MAU2: variants seen among roughly 807,000 people sequenced by gnomAD.
MAU2 encodes MAU2 chromatid cohesion factor homolog.
Under a neutral mutation model 89.1 loss-of-function variants are expected in MAU2, and 9 were observed. That is an observed-to-expected ratio of 0.10 (90% CI 0.06 to 0.18). The LOEUF (loss-of-function observed/expected upper bound fraction) is 0.18. MAU2 is among the 10% of genes least tolerant of loss of function. MAU2 has a pLI of 1.00. For synonymous variants in MAU2, 357 were observed against 343.4 expected (o/e 1.04, Z -0.44); for missense variants, 425 against 803.5 (o/e 0.53, Z 5.69).
Position 19,355,837 on chromosome 19 carries a change from C to G in MAU2, c.*55C>G. 6.7e-7 allele frequency: 1 copy of G among 1,499,948 alleles called. No homozygotes were observed. Among genetic ancestry groups the G allele is most frequent in the Non-Finnish European group, 9.2e-7 (1 of 1,089,388 alleles). 92.9% of individuals were successfully genotyped at this position (1,499,948 alleles called of 1,614,324 possible). On this transcript the variant is annotated 3_prime_UTR_variant, in exon 19 of 19. Coordinates refer to ENST00000262815, the MANE Select transcript of MAU2 (RefSeq NM_015329.4). ...GGCCTGCGCGTCTCCGGCTTCCACC[C>G]AGACGGCACTCAAGCCTGCCCCCGA...
intron 13 of MAU2, 129 bp from the exon 14 acceptor site, chr19:19,348,760 C>T (rs1599922671): frequency 9.9e-7 from 1 of 1,009,076 alleles, no homozygotes; most frequent in Non-Finnish European, 1.6e-6. Context: ...GCTGGTCAGT[C>T]ACCAGGCTCA....
chr19:19,349,315 T>G lies in MAU2; in HGVS notation c.1437-10T>G, dbSNP rs1188145586. 6.2e-7 allele frequency: 1 copy of G among 1,614,100 alleles called. No homozygotes were observed. The highest frequency in any genetic ancestry group is 1.7e-5 in the Admixed American group (1 of 60,026). On this transcript the variant is annotated splice_polypyrimidine_tract_variant and intron_variant, in intron 15 of 18. Transcript: ENST00000262815. The stretch of plus-strand genomic sequence containing the variant: ...CCTGCAGTTATCAGCGTCCATGTTC[T>G]CCTTGTCAGGCGATTTCTGCGGGAA...
chr19:19,349,893 C>T (rs2965194), intron 16 of MAU2, among the ~76,000 whole-genome samples: 127,547 of 151,706 alleles, frequency 0.84, 53,754 homozygotes, highest in East Asian at 1. Flanking sequence ...CAAGGTCAGC[C>T]AGTCTCTGGT....
At chr19:19,331,426 T>A (rs966741079) in intron 1 of MAU2, among the ~76,000 whole-genome samples, 1 of 150,708 alleles carries the variant, frequency 6.6e-6, no homozygotes, top group Non-Finnish European at 1.5e-5. Flanking sequence ...GGCGTGAACC[T>A]GGGAGGTGGA....
In MAU2 at chr19:19,349,123, C is replaced by T. The variant is rs757940615; in HGVS notation, c.1359-32C>T. 9.9e-6 allele frequency: 16 copies of T among 1,612,474 alleles called. No individual in the cohort carries two copies. The Admixed American group carries it at 2.5e-4, about 25-fold the overall frequency. On this transcript the variant is annotated intron_variant, in intron 14 of 18. Transcript: ENST00000262815. The stretch of plus-strand genomic sequence containing the variant: ...TTTGTAAACCTGCTTCTCAAAATCA[C>T]CACCCCATGTGATACTGCACTCTCC...
At chr19:19,354,559 AGC>A in intron 17 of MAU2, 114 bp downstream of exon 17, 1 of 899,314 alleles carries the variant, frequency 1.1e-6, no homozygotes. Context: ...CGTGGGCCGC[AGC>A]CCCAGTTCTA....
chr19:19,342,694 C>G lies in MAU2; in HGVS notation c.882+13C>G. 6.2e-7 allele frequency: 1 copy of G among 1,613,218 alleles called. No homozygotes were observed. Among genetic ancestry groups the G allele is most frequent in the Non-Finnish European group, 8.5e-7 (1 of 1,179,638 alleles). On this transcript the variant is annotated intron_variant, in intron 8 of 18. Transcript: ENST00000262815. ...GCTTGTCTACCTGGTGCGTCCCCAC[C>G]AGGGCCCGGGCCAGGGCTGGGGGCG...
At position 19,355,424 on chromosome 19, in the gene MAU2, G is replaced by C. The variant is rs188216449; in HGVS notation, c.1767+33G>C. The stretch of plus-strand genomic sequence containing the variant: ...TGTGGGTGTTAGGGGACGGGATCAG[G>C]ACTAGCGGGCTCCCCACCTGCAAGA... On this transcript the variant is annotated intron_variant, in intron 18 of 18. Transcript: ENST00000262815. 1.5e-5 allele frequency: 24 copies of C among 1,608,842 alleles called. No individual in the cohort carries two copies. The Admixed American group carries it at 3.0e-4, about 20-fold the overall frequency.
Position 19,355,383 on chromosome 19 carries a change from C to T in MAU2, c.1759C>T (p.Leu587Phe). The T allele has an allele frequency of 6.2e-7, 1 of 1,613,996 alleles. No homozygotes were observed. The highest frequency in any genetic ancestry group is 8.5e-7 in the Non-Finnish European group (1 of 1,179,970). ...GGCCTGCAGCCTCCCCGAACACAACCTCATCACGGTACGGGTGTGGGTGTT... is the reference window on the plus strand; with the variant it reads ...GGCCTGCAGCCTCCCCGAACACAACTTCATCACGGTACGGGTGTGGGTGTT... ...IEACSLPEHN[L>F]ITWTDGPPPV... The change falls in exon 18 of 19, where the codon CTC becomes TTC. Residue 587 changes from leucine to phenylalanine, a missense_variant. Around this residue, in one of 11 missense-constraint regions of MAU2, gnomAD observed 42 missense variants for 42.4 expected, o/e 0.99. Coordinates refer to ENST00000262815, the MANE Select transcript of MAU2 (RefSeq NM_015329.4).
intron 1 of MAU2, among the ~76,000 whole-genome samples, chr19:19,323,319 C>G (rs1382119295): frequency 6.6e-6 from 1 of 151,930 alleles, no homozygotes; most frequent in African/African-American, 2.4e-5. Context: ...CTCAGCCTCC[C>G]GAGTAGCTGG....
At chr19:19,348,813 A>C in intron 13 of MAU2, 76 bp from the exon 14 acceptor site, 16 of 1,479,598 alleles carry the variant, frequency 1.1e-5, no homozygotes, top group Non-Finnish European at 1.5e-5. Context: ...AGAAATTCCC[A>C]TGCACTGCAG....
intron 1 of MAU2, among the ~76,000 whole-genome samples, chr19:19,333,136 T>TG (rs2061569455): frequency 2.0e-5 from 3 of 151,170 alleles, no homozygotes; most frequent in African/African-American, 7.3e-5. Context: ...AGTCCAACTG[T>TG]GTGCTGAATA....
At chr19:19,335,835 A>C in intron 2 of MAU2, 100 bp downstream of exon 2, 1 of 1,399,966 alleles carries the variant, frequency 7.1e-7, no homozygotes, top group South Asian at 1.2e-5. Context: ...ATGCCCTGTG[A>C]GTTGAGGCTC....
intron 10 of MAU2, 96 bp downstream of exon 10, chr19:19,344,036 A>G: frequency 1.0e-6 from 1 of 953,862 alleles, no homozygotes; most frequent in Non-Finnish European, 1.6e-6. Flanking sequence ...GCATACTGGC[A>G]GGCCAGCCCA....
At position 19,358,079 on chromosome 19, in the gene MAU2, C is replaced by T. The variant is rs1034739994; in HGVS notation, c.*2297C>T. 1 of 64,554 alleles carries T rather than the reference C, an allele frequency of 1.5e-5. No individual in the cohort carries two copies. The highest frequency in any genetic ancestry group is 3.1e-5 in the Non-Finnish European group (1 of 31,910). The allele number at this position is 64,554 out of a possible 1,614,324, so 4.0% of individuals were successfully genotyped here. ...CCTGGGTGACGGTGAGACTTTGTCT[C>T]AAAAAAAAAAAAAAAAACAATGGAA... On this transcript the variant is annotated 3_prime_UTR_variant, in exon 19 of 19. Coordinates refer to ENST00000262815, the MANE Select transcript of MAU2 (RefSeq NM_015329.4).
chr19:19,335,926 G>A (rs897906491), intron 2 of MAU2, among the ~76,000 whole-genome samples, 191 bp downstream of exon 2: 4 of 152,004 alleles, frequency 2.6e-5, no homozygotes, highest in Non-Finnish European at 5.9e-5. Context: ...GCTTCTCTTC[G>A]TACCTTGCAT....
At chr19:19,349,487 G>A in intron 16 of MAU2, 51 bp downstream of exon 16, 1 of 1,513,428 alleles carries the variant, frequency 6.6e-7, no homozygotes, top group South Asian at 1.1e-5. Flanking sequence ...GGGCTTGGCT[G>A]AGGGACAGGA....
chr19:19,338,877 G>T lies in MAU2; in HGVS notation c.489G>T (p.Ser163=), dbSNP rs2074090. The change falls in exon 5 of 19, where the codon TCG becomes TCT. Residue 163 remains serine (S), a synonymous_variant. Transcript: ENST00000262815. ...ACACGCTTGAGAAGGACCTGGTGTC[G>T]GCCTGTGACCTCCTGGGTGTAGGGG... ...QLHTLEKDLV[S]ACDLLGVGAE... is the part of the protein sequence containing the mutation. The T allele has an allele frequency of 0.63, 1,020,038 of 1,612,508 alleles. 327,421 individuals are homozygous for T. The highest frequency in any genetic ancestry group is 0.7 in the East Asian group (31,252 of 44,802).
chr19:19,331,741 A>C (rs2146666511), intron 1 of MAU2, among the ~76,000 whole-genome samples: 1 of 151,408 alleles, frequency 6.6e-6, no homozygotes, highest in Non-Finnish European at 1.5e-5. Flanking sequence ...CCCTGTCTCT[A>C]CAAAAAAAAA....
Sources: gnomAD v4.1 joint callset for allele counts (sites outside exome capture counted in the v4.1 genomes callset) on GRCh38, gnomAD v4.1.1 for gene constraint, gnomAD v4.1.1 regional missense constraint, MANE v1.5 for transcripts, NCBI Gene and HGNC (gene_info 2026-07-23, HGNC 2026-07-21) for gene names.